Variants in PIK3CB observed in about 807,000 individuals in gnomAD.
PIK3CB encodes the protein phosphatidylinositol-4,5-bisphosphate 3-kinase catalytic subunit beta, also known as phosphatidylinositol 4,5-bisphosphate 3-kinase catalytic subunit beta isoform.
PIK3CB carries 39 observed loss-of-function variants against 136.8 expected under a neutral mutation model. The ratio of observed to expected loss-of-function variants is 0.29; its 90% CI spans 0.22 to 0.37. The LOEUF is 0.37. PIK3CB is among the 10% of genes least tolerant of loss of function. PIK3CB has a pLI of 1.00. For synonymous variants in PIK3CB, 428 were observed against 436.6 expected (o/e 0.98, Z 0.25); for missense variants, 868 against 1,275.4 (o/e 0.68, Z 4.87).
chr3:138,807,206 G>A (rs1418529899), intron 1 of PIK3CB, among the ~76,000 whole-genome samples: 1 of 152,200 alleles, frequency 6.6e-6, no homozygotes, highest in African/African-American at 2.4e-5. Flanking sequence ...GGCCCAGGCA[G>A]GAGAATTGCT....
rs2044481253 is a variant in PIK3CB at position 138,710,842 on chromosome 3, T to C, written c.1399+1366A>G. On this transcript the variant is annotated intron_variant, in intron 10 of 23. Transcript: ENST00000674063. ...GCTCACGCCTGTAATCCCAGCACTC[T>C]GGGAGGCTGAGGTGGGTGGATCACG... Among the ~76,000 whole-genome samples, 4 of 152,076 alleles carry C rather than the reference T, an allele frequency of 2.6e-5. No individual in the cohort carries two copies. The South Asian group carries it at 8.3e-4, about 32-fold the overall frequency.
chr3:138,819,341 C>T (rs1458746299), intron 1 of PIK3CB, among the ~76,000 whole-genome samples: 1 of 149,452 alleles, frequency 6.7e-6, no homozygotes, highest in Non-Finnish European at 1.5e-5. Context: ...AGTGAGACTC[C>T]GTCTCCAAAA....
intron 1 of PIK3CB, among the ~76,000 whole-genome samples, chr3:138,810,312 G>A (rs184443978): frequency 1.3e-5 from 2 of 152,238 alleles, no homozygotes; most frequent in Non-Finnish European, 2.9e-5. Context: ...TTAAGTGTGA[G>A]CTGCACATAG....
chr3:138,808,258 TATTA>T (rs2046255357), intron 1 of PIK3CB, among the ~76,000 whole-genome samples: 1 of 152,098 alleles, frequency 6.6e-6, no homozygotes, highest in African/African-American at 2.4e-5. Flanking sequence ...GGGGAAAATA[TATTA>T]CTTATTGACA....
chr3:138,678,863 C>A (rs920836989), intron 19 of PIK3CB, among the ~76,000 whole-genome samples: 5 of 151,920 alleles, frequency 3.3e-5, no homozygotes, highest in African/African-American at 9.7e-5. Context: ...GCCAGTAGTT[C>A]GAGACCAGCC....
At chr3:138,669,428 G>C (rs966565315) in intron 19 of PIK3CB, among the ~76,000 whole-genome samples, 7 of 136,624 alleles carry the variant, frequency 5.1e-5, no homozygotes, top group South Asian at 5.0e-4. Context: ...AAAAAAAAAG[G>C]GGGGGGGGAT....
intron 8 of PIK3CB, among the ~76,000 whole-genome samples, chr3:138,718,347 A>G (rs1198167316): frequency 1.3e-5 from 2 of 151,992 alleles, no homozygotes; most frequent in Admixed American, 6.6e-5. Context: ...GTGTCTGTTC[A>G]TGTCATTTGC....
chr3:138,702,777 CA>C (rs1300670661), intron 12 of PIK3CB, among the ~76,000 whole-genome samples: 2 of 152,162 alleles, frequency 1.3e-5, no homozygotes. Flanking sequence ...CACAAACACA[CA>C]TTTTTTTACA....
chr3:138,743,877 C>T (rs970881431), intron 4 of PIK3CB, among the ~76,000 whole-genome samples: 12 of 152,102 alleles, frequency 7.9e-5, no homozygotes, highest in Non-Finnish European at 1.6e-4. Context: ...TCCCTTTTGA[C>T]TCCTGAACAA....
chr3:138,668,039 G>A (rs2108434338), intron 19 of PIK3CB, among the ~76,000 whole-genome samples: 1 of 151,912 alleles, frequency 6.6e-6, no homozygotes, highest in East Asian at 2.0e-4. Context: ...TTGCACTCCA[G>A]CCTGGGCAAT....
At chr3:138,810,673 C>G (rs977964346) in intron 1 of PIK3CB, among the ~76,000 whole-genome samples, 2 of 151,924 alleles carry the variant, frequency 1.3e-5, no homozygotes, top group African/African-American at 4.8e-5. Flanking sequence ...AATCCCAGCA[C>G]TTTGGGAGGC....
intron 1 of PIK3CB, among the ~76,000 whole-genome samples, chr3:138,819,315 C>A (rs900878522): frequency 1.3e-5 from 2 of 151,838 alleles, no homozygotes; most frequent in Non-Finnish European, 2.9e-5. Flanking sequence ...CCATTGTCCT[C>A]CAGCCTGGGC....
chr3:138,751,407 G>A (rs1576387719), intron 4 of PIK3CB, among the ~76,000 whole-genome samples: 3 of 151,418 alleles, frequency 2.0e-5, no homozygotes, highest in Admixed American at 6.6e-5. Context: ...GCAGTGAGCC[G>A]AGATGGCGCC....
Position 138,707,298 on chromosome 3 carries a change from T to A in PIK3CB, c.1400-9A>T. On this transcript the variant is annotated splice_polypyrimidine_tract_variant and intron_variant, in intron 10 of 23. Transcript: ENST00000674063. ...CATTTCTTCGAGTTCATCTAAAACA[T>A]GCAAATAATTTTGGTTCTTAAAAAA... 6.3e-7 allele frequency: 1 copy of A among 1,586,568 alleles called. No individual in the cohort carries two copies. Among genetic ancestry groups the A allele is most frequent in the South Asian group, 1.2e-5 (1 of 85,250 alleles).
chr3:138,784,051 G>A (rs1439199272), intron 2 of PIK3CB, among the ~76,000 whole-genome samples: 1 of 152,102 alleles, frequency 6.6e-6, no homozygotes, highest in Non-Finnish European at 1.5e-5. Context: ...TCTTCCAAAG[G>A]GAGTTTAGCA....
At chr3:138,815,162 A>AAAAAATAT (rs1553743711) in intron 1 of PIK3CB, among the ~76,000 whole-genome samples, 74 of 62,454 alleles carry the variant, frequency 1.2e-3, no homozygotes, top group Non-Finnish European at 1.4e-3. Flanking sequence ...AAAAAAAAAA[A>AAAAAATAT]ATATATATAT....
In PIK3CB at chr3:138,737,875, G is replaced by A; in HGVS notation, c.633C>T (p.Ser211=). ...GATTCATATTAGGAGACACTTGAAAGCTAAACACGTCCTGAAGGGGGAGGG... is the reference window on the plus strand; with the variant it reads ...GATTCATATTAGGAGACACTTGAAAACTAAACACGTCCTGAAGGGGGAGGG... ...VHFENCQDVF[S]FQVSPNMNPI... is the part of the protein sequence containing the mutation. Residue 211 remains serine (S), a synonymous_variant, in exon 6 of 24, where the codon AGC becomes AGT. Coordinates refer to ENST00000674063, the MANE Select transcript of PIK3CB (RefSeq NM_006219.3). 6.3e-7 allele frequency: 1 copy of A among 1,594,482 alleles called. No individual in the cohort carries two copies. The highest frequency in any genetic ancestry group is 8.6e-7 in the Non-Finnish European group (1 of 1,169,196).
intron 8 of PIK3CB, among the ~76,000 whole-genome samples, chr3:138,730,194 GC>G (rs2044940200): frequency 6.6e-6 from 1 of 152,138 alleles, no homozygotes; most frequent in Non-Finnish European, 1.5e-5. Context: ...CTGTCATTAA[GC>G]CCATTAATCC....
chr3:138,701,362 C>T lies in PIK3CB; in HGVS notation c.1582-2267G>A, dbSNP rs151153020. ...TAAAGCACATGACTGAGAAAACTGG[C>T]TAAATTTGAATAAAATCTGTAGATT... On this transcript the variant is annotated intron_variant, in intron 12 of 23. Coordinates refer to ENST00000674063, the MANE Select transcript of PIK3CB (RefSeq NM_006219.3). 4.2e-3 allele frequency among the ~76,000 whole-genome samples: 632 copies of T among 152,060 alleles called. 3 individuals are homozygous for T. Among genetic ancestry groups the T allele is most frequent in the African/African-American group, 0.014 (577 of 41,468 alleles).
Sources: allele counts gnomAD v4.1 joint callset (sites outside exome capture counted in the v4.1 genomes callset), GRCh38; gene constraint gnomAD v4.1.1; transcripts MANE v1.5; gene names NCBI Gene and HGNC (gene_info 2026-07-23, HGNC 2026-07-21).